Variants in ING5 observed in about 807,000 individuals in gnomAD.
The protein encoded by ING5 is inhibitor of growth protein 5.
ING5 carries 17 observed loss-of-function variants against 37.4 expected under a neutral mutation model. The observed-to-expected ratio is 0.45, with a 90% confidence interval of 0.31 to 0.68. The LOEUF (loss-of-function observed/expected upper bound fraction) is 0.68, where lower values mean the gene tolerates loss of function less well. Ranked by LOEUF, ING5 falls within the 30% of genes least tolerant of loss-of-function variation. The pLI, the probability that ING5 is intolerant of heterozygous loss-of-function variation, is 0.05. For synonymous variants in ING5, 123 were observed against 116.6 expected (o/e 1.06, Z -0.36); for missense variants, 233 against 311.9 (o/e 0.75, Z 1.91).
At chr2:241,712,197 C>A in intron 5 of ING5, 126 bp downstream of exon 5, 2 of 778,004 alleles carry the variant, frequency 2.6e-6, no homozygotes, top group South Asian at 1.9e-5. Context: ...TATTCTGATT[C>A]TTACGCTGCG....
intron 7 of ING5, chr2:241,723,874 G>A: frequency 6.8e-7 from 1 of 1,467,648 alleles, no homozygotes; most frequent in Non-Finnish European, 9.4e-7. Context: ...GCTGGGCGTG[G>A]TGGTGCGTGC....
chr2:241,701,739 G>C (rs975493307), upstream of ING5, among the ~76,000 whole-genome samples: 10 of 152,176 alleles, frequency 6.6e-5, no homozygotes, highest in African/African-American at 2.4e-4. Context: ...TGGCCCAGGG[G>C]TCGCTGACAG....
At chr2:241,701,283 C>G (rs1225897122), upstream of ING5, among the ~76,000 whole-genome samples, 1 of 151,882 alleles carries the variant, frequency 6.6e-6, no homozygotes, top group Admixed American at 6.6e-5. Context: ...TTTTTGCATG[C>G]ATCTTACGGC....
intron 7 of ING5, 84 bp from the exon 8 acceptor site, chr2:241,724,905 G>T: frequency 6.9e-7 from 1 of 1,445,144 alleles, no homozygotes; most frequent in South Asian, 1.2e-5. Flanking sequence ...AGCAGCCCTG[G>T]GAGACATGGG....
intron 5 of ING5, chr2:241,720,006 C>A (rs544019858): frequency 8.0e-7 from 1 of 1,244,574 alleles, no homozygotes; most frequent in African/African-American, 1.5e-5. Context: ...CATTGCAAGA[C>A]GTCGAGACAG....
rs143698484 is a variant in ING5, at chr2:241,717,150, C to T, written c.482+5079C>T. ...AGTGCAGTGGTGCGATCTCAGCTCA[C>T]GGCAACCTCTGCCTCCCAGGTTCAA... On this transcript the variant is annotated intron_variant, in intron 5 of 7. Transcript: ENST00000313552. Among the ~76,000 whole-genome samples, 480 of 151,824 alleles carry T rather than the reference C, an allele frequency of 3.2e-3. 1 individual carries two copies. Among genetic ancestry groups the T allele is most frequent in the Non-Finnish European group, 5.3e-3 (361 of 67,978 alleles).
At chr2:241,712,543 T>G (rs894604512) in intron 5 of ING5, among the ~76,000 whole-genome samples, 5 of 152,244 alleles carry the variant, frequency 3.3e-5, no homozygotes, top group African/African-American at 9.6e-5. Flanking sequence ...AATAGACATG[T>G]CATTTAACTT....
intron 5 of ING5, among the ~76,000 whole-genome samples, chr2:241,716,731 G>T (rs995679430): frequency 6.6e-6 from 1 of 152,122 alleles, no homozygotes; most frequent in Non-Finnish European, 1.5e-5. Context: ...TTGTGCTGTT[G>T]TCCTTCACTT....
At chr2:241,724,407 G>A (rs1691525031) in intron 7 of ING5, among the ~76,000 whole-genome samples, 1 of 152,226 alleles carries the variant, frequency 6.6e-6, no homozygotes, top group Non-Finnish European at 1.5e-5. Flanking sequence ...CTTGGGCCTG[G>A]GCCAGGCGGT....
chr2:241,721,117 C>T (rs942773577), intron 5 of ING5: 29 of 985,424 alleles, frequency 2.9e-5, no homozygotes, highest in Non-Finnish European at 3.4e-5. Context: ...GTTTCGGGGA[C>T]GGTTGGCAGC....
At chr2:241,713,892 A>T (rs1024259233) in intron 5 of ING5, among the ~76,000 whole-genome samples, 1 of 151,940 alleles carries the variant, frequency 6.6e-6, no homozygotes, top group Non-Finnish European at 1.5e-5. Flanking sequence ...CGGGAGGCTG[A>T]CGCAGGGAGA....
rs35471600 is a variant in ING5 at position 241,706,956 on chromosome 2, ATT to A, written c.110-2241_110-2240del. 8.3e-5 allele frequency among the ~76,000 whole-genome samples: 10 copies of A among 120,740 alleles called. No homozygotes were observed. In the South Asian group the frequency reaches 1.0e-3, roughly 13 times the overall value. The allele number at this position is 120,740 out of a possible 152,430, so 79.2% of individuals were successfully genotyped here. On this transcript the variant is annotated intron_variant, in intron 2 of 7. Coordinates refer to ENST00000313552, the MANE Select transcript of ING5 (RefSeq NM_032329.6). ...CATGATAATGTGTTTTGGTGTGGCA[ATT>A]TTTTTTTTTTTTTTTTTTGAGATGG...
rs35471600 is a variant in ING5, at chr2:241,706,956, A to ATTT, written c.110-2242_110-2240dup. On this transcript the variant is annotated intron_variant, in intron 2 of 7. Coordinates refer to ENST00000313552, the MANE Select transcript of ING5 (RefSeq NM_032329.6). Reference sequence around the variant, plus strand: ...CATGATAATGTGTTTTGGTGTGGCAATTTTTTTTTTTTTTTTTTTTGAGAT... The same window carrying ATTT: ...CATGATAATGTGTTTTGGTGTGGCAATTTTTTTTTTTTTTTTTTTTTTTGAGAT... Among the ~76,000 whole-genome samples, 46 of 120,734 alleles carry ATTT rather than the reference A, an allele frequency of 3.8e-4. 1 individual carries two copies. The highest frequency in any genetic ancestry group is 4.8e-4 in the Non-Finnish European group (29 of 59,914). 79.2% of individuals were successfully genotyped at this position (120,734 alleles called of 152,430 possible).
chr2:241,714,796 A>T (rs34317612), intron 5 of ING5, among the ~76,000 whole-genome samples: 13,923 of 151,934 alleles, frequency 0.092, 673 homozygotes, highest in South Asian at 0.13. Context: ...GGGTTTCATC[A>T]TGTTGCCCAG....
In ING5 at chr2:241,722,118, G is replaced by A. The variant is rs112168346; in HGVS notation, c.483-821G>A. ...GAGTAGGTGCGTGGAGGGCCCGGGC[G>A]CAGGACGCATGGCTGTTCTCTTGGG... is the stretch of plus-strand genomic sequence containing the variant. On this transcript the variant is annotated intron_variant, in intron 5 of 7. Transcript: ENST00000313552. 0.012 allele frequency: 11,841 copies of A among 985,374 alleles called. 642 individuals carry two copies. In the East Asian group the frequency reaches 0.28, roughly 23 times the overall value. 61.0% of individuals were successfully genotyped at this position (985,374 alleles called of 1,614,324 possible). A position where few individuals can be genotyped will look rare whatever the true frequency, so the allele number is the denominator to read the frequency against.
intron 5 of ING5, chr2:241,719,963 C>G: frequency 7.8e-7 from 1 of 1,275,972 alleles, no homozygotes; most frequent in Non-Finnish European, 9.9e-7. Context: ...TCTTTCTTCT[C>G]TGTGCCCCCA....
rs1305435364 is a variant in ING5, at chr2:241,725,162, G to A, written c.*131G>A. On this transcript the variant is annotated 3_prime_UTR_variant, in exon 8 of 8. Coordinates refer to ENST00000313552, the MANE Select transcript of ING5 (RefSeq NM_032329.6). ...AACTCCGTGGCCAGTTGAAGCGCTG[G>A]ATGTTTCCTAGAACAAGAACCACCA... 1.0e-6 allele frequency: 1 copy of A among 972,746 alleles called. No individual in the cohort carries two copies. Among genetic ancestry groups the A allele is most frequent in the Non-Finnish European group, 1.6e-6 (1 of 620,914 alleles). 60.3% of individuals were successfully genotyped at this position (972,746 alleles called of 1,614,324 possible). A position where few individuals can be genotyped will look rare whatever the true frequency, so the allele number is the denominator to read the frequency against.
At chr2:241,719,374 A>C in intron 5 of ING5, 23 of 637,498 alleles carry the variant, frequency 3.6e-5, no homozygotes, top group Admixed American at 6.8e-5. Flanking sequence ...ACCCCCCAAC[A>C]CCCCCCACTC....
At chr2:241,700,289 T>A (rs1435544321), upstream of ING5, among the ~76,000 whole-genome samples, 1 of 151,452 alleles carries the variant, frequency 6.6e-6, no homozygotes, top group Non-Finnish European at 1.5e-5. Flanking sequence ...CCCGAGTAGC[T>A]GGGATTACAG....
Sources: allele counts gnomAD v4.1 joint callset (sites outside exome capture counted in the v4.1 genomes callset), GRCh38; gene constraint gnomAD v4.1.1; transcripts MANE v1.5; gene names NCBI Gene and HGNC (gene_info 2026-07-23, HGNC 2026-07-21).